VWC2L: variants seen among roughly 807,000 people sequenced by gnomAD.
VWC2L encodes von Willebrand factor C domain-containing protein 2-like.
Under a neutral mutation model 21.6 loss-of-function variants are expected in VWC2L, and 10 were observed. The ratio of observed to expected loss-of-function variants is 0.46; its 90% CI spans 0.29 to 0.78. VWC2L has a LOEUF of 0.78. Ranked by LOEUF, VWC2L falls within the 30% of genes least tolerant of loss-of-function variation. VWC2L has a pLI of 0.10. For missense variants in VWC2L, 209 were observed against 277.1 expected (o/e 0.75, Z 1.74); for synonymous variants, 96 against 94.3 (o/e 1.02, Z -0.10).
At position 214,415,823 on chromosome 2, in the gene VWC2L, G is replaced by A. The variant is rs559442668; in HGVS notation, c.390+1240G>A. Among the ~76,000 whole-genome samples, 30 of 152,222 alleles carry A rather than the reference G, an allele frequency of 2.0e-4. No individual in the cohort carries two copies. In the South Asian group the frequency reaches 2.5e-3, roughly 13 times the overall value. The stretch of plus-strand genomic sequence containing the variant: ...TGTGACATTCAACTTCCTTAGACAT[G>A]TTATTCTCGACTTTTGTCTTTCGTG... On this transcript the variant is annotated intron_variant, in intron 2 of 3. Transcript: ENST00000312504.
intron 3 of VWC2L, among the ~76,000 whole-genome samples, chr2:214,568,588 T>A (rs1466344549): frequency 1.1e-4 from 16 of 152,078 alleles, no homozygotes; most frequent in Non-Finnish European, 5.9e-5. Context: ...CAAGAGAGCT[T>A]GTGTAGGGGA....
chr2:214,550,714 T>G (rs1327944079), intron 3 of VWC2L, among the ~76,000 whole-genome samples: 2 of 152,336 alleles, frequency 1.3e-5, no homozygotes, highest in African/African-American at 2.4e-5. Context: ...TTCAGACTCT[T>G]GTCTCTTGCC....
intron 3 of VWC2L, among the ~76,000 whole-genome samples, chr2:214,474,518 C>T (rs138806398): frequency 1.3e-5 from 2 of 152,234 alleles, no homozygotes; most frequent in African/African-American, 2.4e-5. Context: ...AATATGACAA[C>T]ATTTGAGGGG....
chr2:214,525,310 A>C (rs1321340776), intron 3 of VWC2L: 1 of 152,134 alleles, frequency 6.6e-6, no homozygotes, highest in Admixed American at 6.5e-5. Context: ...GCAAACAGAC[A>C]AAAGTTTGCA....
At chr2:214,562,524 GGCCAAATGGTATTTC>G (rs1222947914) in intron 3 of VWC2L, among the ~76,000 whole-genome samples, 2 of 152,116 alleles carry the variant, frequency 1.3e-5, no homozygotes, top group African/African-American at 4.8e-5. Flanking sequence ...GGGATTGCTG[GGCCAAATGGTATTTC>G]TGGTTCTAGA....
intron 2 of VWC2L, among the ~76,000 whole-genome samples, chr2:214,423,072 G>A (rs1030400553): frequency 4.6e-5 from 7 of 151,674 alleles, no homozygotes; most frequent in Non-Finnish European, 8.8e-5. Context: ...AAGCTCAGAA[G>A]GTTTTTTTTA....
chr2:214,572,726 T>C (rs1025843520), intron 3 of VWC2L, among the ~76,000 whole-genome samples: 1 of 152,194 alleles, frequency 6.6e-6, no homozygotes, highest in African/African-American at 2.4e-5. Context: ...GATAAGACTA[T>C]TAACAGCAAA....
At chr2:214,496,594 C>A (rs1688816906) in intron 3 of VWC2L, among the ~76,000 whole-genome samples, 1 of 152,128 alleles carries the variant, frequency 6.6e-6, no homozygotes, top group Non-Finnish European at 1.5e-5. Context: ...TTGAACAGTA[C>A]AGAGCAAAGA....
chr2:214,543,207 A>C (rs1689654758), intron 3 of VWC2L, among the ~76,000 whole-genome samples: 1 of 152,212 alleles, frequency 6.6e-6, no homozygotes, highest in Non-Finnish European at 1.5e-5. Context: ...TCTTAAGTTG[A>C]ATAGAAATGG....
At chr2:214,544,800 C>T (rs972661912) in intron 3 of VWC2L, among the ~76,000 whole-genome samples, 9 of 152,056 alleles carry the variant, frequency 5.9e-5, no homozygotes, top group Non-Finnish European at 1.3e-4. Context: ...ATTCTACACC[C>T]TATACCAACC....
intron 3 of VWC2L, among the ~76,000 whole-genome samples, chr2:214,488,414 A>C (rs982883799): frequency 3.3e-5 from 5 of 152,158 alleles, no homozygotes; most frequent in African/African-American, 1.2e-4. Context: ...CCGTGGCAAC[A>C]TGGCAAAACC....
At chr2:214,470,237 AG>A (rs2126192396) in intron 3 of VWC2L, among the ~76,000 whole-genome samples, 1 of 152,184 alleles carries the variant, frequency 6.6e-6, no homozygotes, top group Admixed American at 6.5e-5. Flanking sequence ...CTTGAAGAAA[AG>A]AAAACCCAAA....
At position 214,423,906 on chromosome 2, in the gene VWC2L, A is replaced by AT. The variant is rs59310558; in HGVS notation, c.390+9333dup. ...TGATGGTTTTAGAAAATGAGGACCC[A>AT]TTTTTTTTTTCACTTAGCAAACTCT... On this transcript the variant is annotated intron_variant, in intron 2 of 3. Coordinates refer to ENST00000312504, the MANE Select transcript of VWC2L (RefSeq NM_001080500.4). Among the ~76,000 whole-genome samples, 116 of 149,220 alleles carry AT rather than the reference A, an allele frequency of 7.8e-4. 1 individual carries two copies. The highest frequency in any genetic ancestry group is 6.2e-3 in the East Asian group (32 of 5,130).
intron 3 of VWC2L, among the ~76,000 whole-genome samples, chr2:214,442,911 A>T (rs1702783953): frequency 6.6e-6 from 1 of 152,194 alleles, no homozygotes. Flanking sequence ...GAGGAAATGC[A>T]GTTCATATAT....
intron 3 of VWC2L, among the ~76,000 whole-genome samples, chr2:214,539,644 G>A (rs935179895): frequency 2.6e-5 from 4 of 152,048 alleles, no homozygotes; most frequent in Admixed American, 2.0e-4. Context: ...TTTGTATTCT[G>A]TTTTCTGTTG....
intron 2 of VWC2L, chr2:214,414,874 A>C: frequency 2.7e-6 from 1 of 370,260 alleles, no homozygotes; most frequent in South Asian, 3.1e-5. Flanking sequence ...GTTATTACAA[A>C]ATATGTTTTC....
At chr2:214,501,502 G>A (rs1490911114) in intron 3 of VWC2L, among the ~76,000 whole-genome samples, 1 of 152,024 alleles carries the variant, frequency 6.6e-6, no homozygotes, top group Non-Finnish European at 1.5e-5. Context: ...GCGGTGAATC[G>A]CCTGAGGTCA....
intron 2 of VWC2L, among the ~76,000 whole-genome samples, chr2:214,421,885 CTTTTTTTT>C (rs761759449): frequency 3.9e-5 from 3 of 76,168 alleles, no homozygotes; most frequent in Middle Eastern, 0.012. Flanking sequence ...TTTCCTACAT[CTTTTTTTT>C]TTTTTTTTTT....
At chr2:214,458,069 T>C (rs1703083094) in intron 3 of VWC2L, among the ~76,000 whole-genome samples, 1 of 152,112 alleles carries the variant, frequency 6.6e-6, no homozygotes, top group Admixed American at 6.6e-5. Context: ...AGTAAAACCA[T>C]CAAGTCCTGG....
Sources: allele counts gnomAD v4.1 joint callset (sites outside exome capture counted in the v4.1 genomes callset), GRCh38; gene constraint gnomAD v4.1.1; transcripts MANE v1.5; gene names NCBI Gene and HGNC (gene_info 2026-07-23, HGNC 2026-07-21).